RTN4: variants seen among roughly 807,000 people sequenced by gnomAD.
The protein encoded by RTN4 is reticulon-4.
In RTN4, 32 loss-of-function variants were observed where a neutral mutation model predicts 90.4. The observed-to-expected ratio is 0.35, with a 90% confidence interval of 0.27 to 0.48. The LOEUF (loss-of-function observed/expected upper bound fraction) is 0.48. Among genes scored for constraint, RTN4 ranks in the 20% least tolerant of loss-of-function variants. The pLI is 0.99. For synonymous variants in RTN4, 629 were observed against 552.5 expected (o/e 1.14, Z -1.94); for missense variants, 1,706 against 1,430.2 (o/e 1.19, Z -3.11).
chr2:55,046,667 C>A (rs560010720), intron 1 of RTN4: 58 of 152,274 alleles, frequency 3.8e-4, no homozygotes, highest in African/African-American at 1.2e-3. Context: ...TATTGCTATA[C>A]CCTCAAAGCT....
At chr2:54,974,098 T>A in intron 6 of RTN4, 1 of 455,208 alleles carries the variant, frequency 2.2e-6, no homozygotes, top group Non-Finnish European at 3.9e-6. Context: ...TAGCTTCAAA[T>A]CATATCACAG....
intron 1 of RTN4, among the ~76,000 whole-genome samples, chr2:55,100,022 A>T (rs1224098321): frequency 6.6e-6 from 1 of 152,130 alleles, no homozygotes; most frequent in African/African-American, 2.4e-5. Context: ...TTAGAGAACT[A>T]GTCTAAGTTA....
At position 55,034,256 on chromosome 2, in the gene RTN4, C is replaced by T. The variant is rs554659750; in HGVS notation, c.557-6036G>A. On this transcript the variant is annotated intron_variant, in intron 1 of 8. Coordinates refer to ENST00000337526, the MANE Select transcript of RTN4 (RefSeq NM_020532.5). ...TGGCTCACACCTGTAATCTCAGGAC[C>T]GTAGGAGGCTGGGGTAGGAGGATTG... is the stretch of plus-strand genomic sequence containing the variant. Among the ~76,000 whole-genome samples, 4 of 152,164 alleles carry T rather than the reference C, an allele frequency of 2.6e-5. No homozygotes were observed. The South Asian group carries it at 6.2e-4, about 24-fold the overall frequency.
chr2:55,027,095 A>C lies in RTN4; in HGVS notation c.1004T>G (p.Val335Gly). ...TTGATTATGAAGGATGTTATTACTA[A>C]CTAACTTCTCTTCTTCATCTTTATT... Reference protein sequence around the residue: ...VKNKDEEEKLVSNNILHNQQE... With the variant: ...VKNKDEEEKLGSNNILHNQQE... The change falls in exon 3 of 9, where the codon GTT becomes GGT. Residue 335 changes from valine (V) to glycine (G), a missense_variant. Val to Gly is a moderately radical substitution (Grantham distance 109). Coordinates refer to ENST00000337526, the MANE Select transcript of RTN4 (RefSeq NM_020532.5). The C allele has an allele frequency of 1.2e-6, 2 of 1,613,196 alleles. No individual in the cohort carries two copies. The highest frequency in any genetic ancestry group is 1.7e-6 in the Non-Finnish European group (2 of 1,179,668).
chr2:55,072,331 G>A (rs900834774), intron 2 of RTN4, among the ~76,000 whole-genome samples: 2 of 151,982 alleles, frequency 1.3e-5, no homozygotes, highest in African/African-American at 2.4e-5. Context: ...CCGTGTTCAC[G>A]CCATTCTCCT....
At chr2:54,974,071 G>C (rs1046864345) in intron 6 of RTN4, 34 of 506,040 alleles carry the variant, frequency 6.7e-5, no homozygotes, top group African/African-American at 5.0e-4. Flanking sequence ...GCAGTTATTA[G>C]AGCTAGGAAC....
Position 54,974,245 on chromosome 2 carries a change from G to A in RTN4, c.3431-378C>T, listed in dbSNP as rs1019726009. The A allele has an allele frequency of 3.8e-5, 9 of 238,202 alleles. No homozygotes were observed. The Admixed American group carries it at 4.6e-4, about 12-fold the overall frequency. 14.8% of individuals were successfully genotyped at this position (238,202 alleles called of 1,614,324 possible). A position where few individuals can be genotyped will look rare whatever the true frequency, so the allele number is the denominator to read the frequency against. On this transcript the variant is annotated intron_variant, in intron 6 of 8. Coordinates refer to ENST00000337526, the MANE Select transcript of RTN4 (RefSeq NM_020532.5). ...ACTAAGGTAGCATTTCAATAAACCG[G>A]GAAGCAGTATCACCAACTTATTTAA... is the stretch of plus-strand genomic sequence containing the variant.
intron 1 of RTN4, among the ~76,000 whole-genome samples, chr2:55,029,730 C>T (rs771026585): frequency 3.9e-5 from 6 of 152,000 alleles, no homozygotes; most frequent in African/African-American, 1.2e-4. Flanking sequence ...AGGGTGATGA[C>T]GGGAAATTTA....
chr2:55,075,355 C>A (rs1283293612), intron 2 of RTN4, among the ~76,000 whole-genome samples: 3 of 152,024 alleles, frequency 2.0e-5, no homozygotes, highest in African/African-American at 7.2e-5. Context: ...CAAAACAAAA[C>A]CTTAGGAATA....
intron 5 of RTN4, among the ~76,000 whole-genome samples, chr2:54,979,876 C>T (rs112458488): frequency 7.9e-5 from 12 of 152,176 alleles, no homozygotes; most frequent in African/African-American, 2.7e-4. Flanking sequence ...AAGCAGGTTT[C>T]CTTGAGCTCT....
At chr2:55,075,603 A>G (rs1408627882) in intron 2 of RTN4, among the ~76,000 whole-genome samples, 1 of 152,218 alleles carries the variant, frequency 6.6e-6, no homozygotes, top group East Asian at 1.9e-4. Flanking sequence ...TAAAATTCAT[A>G]TGGAACCAAA....
At chr2:55,077,115 C>T (rs999317702) in intron 2 of RTN4, among the ~76,000 whole-genome samples, 10 of 151,614 alleles carry the variant, frequency 6.6e-5, no homozygotes, top group African/African-American at 2.4e-4. Context: ...TGGGTTCATG[C>T]CGTTCTCCTG....
chr2:55,023,553 C>G (rs1271778149), intron 3 of RTN4, among the ~76,000 whole-genome samples: 1 of 152,050 alleles, frequency 6.6e-6, no homozygotes, highest in African/African-American at 2.4e-5. Flanking sequence ...AACACTAATT[C>G]TTCCACCTGA....
At chr2:54,993,071 CT>C (rs1465028782) in intron 3 of RTN4, among the ~76,000 whole-genome samples, 18 of 88,492 alleles carry the variant, frequency 2.0e-4, no homozygotes, top group African/African-American at 3.0e-4. Context: ...GAGACTCCAT[CT>C]CGGAAAAAAA....
At chr2:55,110,453 C>T (rs1283296993) in intron 1 of RTN4, among the ~76,000 whole-genome samples, 2 of 151,956 alleles carry the variant, frequency 1.3e-5, no homozygotes, top group Non-Finnish European at 2.9e-5. Context: ...GATATTTGCC[C>T]AAGGTTACAA....
At chr2:55,095,979 G>A (rs1300888149) in intron 1 of RTN4, among the ~76,000 whole-genome samples, 1 of 152,160 alleles carries the variant, frequency 6.6e-6, no homozygotes, top group African/African-American at 2.4e-5. Context: ...CAGTGGTTAT[G>A]GGTTATTGGG....
In RTN4 at chr2:55,068,592, A is replaced by G. The variant is rs564973694; in HGVS notation, c.-63+11897T>C. On this transcript the variant is annotated intron_variant, in intron 2 of 3. Transcript: ENST00000427710. ...GTTTACTTCATATGTTTTTGATTAA[A>G]GTTCTGCTGAATACCCAAGTTTGAA... is the stretch of plus-strand genomic sequence containing the variant. Among the ~76,000 whole-genome samples, 18 of 144,762 alleles carry G rather than the reference A, an allele frequency of 1.2e-4. No individual in the cohort carries two copies. The East Asian group carries it at 3.6e-3, about 29-fold the overall frequency. The allele number at this position is 144,762 out of a possible 152,430, so 95.0% of individuals were successfully genotyped here.
chr2:54,987,283 A>C (rs1678638857), intron 4 of RTN4, among the ~76,000 whole-genome samples: 2 of 152,232 alleles, frequency 1.3e-5, no homozygotes, highest in South Asian at 4.1e-4. Flanking sequence ...GTTTAATGAT[A>C]CATAAACAGT....
chr2:54,977,357 A>C (rs1187175070), intron 5 of RTN4, among the ~76,000 whole-genome samples: 1 of 151,146 alleles, frequency 6.6e-6, no homozygotes, highest in East Asian at 1.9e-4. Flanking sequence ...TGAGCCTGAG[A>C]GCTAGATTTT....
Sources: allele counts gnomAD v4.1 joint callset (sites outside exome capture counted in the v4.1 genomes callset), GRCh38; gene constraint gnomAD v4.1.1; transcripts MANE v1.5; gene names NCBI Gene and HGNC (gene_info 2026-07-23, HGNC 2026-07-21).